Variants in ARHGAP15 observed in about 807,000 individuals in gnomAD.
ARHGAP15 encodes the protein rho GTPase-activating protein 15.
Under a neutral mutation model 63.7 loss-of-function variants are expected in ARHGAP15, and 51 were observed. That is an observed-to-expected ratio of 0.80 (90% CI 0.64 to 1.01). The LOEUF (loss-of-function observed/expected upper bound fraction) is 1.01, where lower values mean the gene tolerates loss of function less well. ARHGAP15 is among the 50% of genes least tolerant of loss of function. The pLI is 0.00. For missense variants in ARHGAP15, 560 were observed against 564.6 expected, an observed-to-expected ratio of 0.99 and a Z score of 0.08; for synonymous variants, 191 against 193.8, an observed-to-expected ratio of 0.99 and a Z score of 0.12.
chr2:143,237,708 A>T (rs748876120), intron 5 of ARHGAP15: 3 of 152,172 alleles, frequency 2.0e-5, no homozygotes, highest in Non-Finnish European at 2.9e-5. Flanking sequence ...TTTCTATTAT[A>T]TTCATCACAC....
At chr2:143,608,988 C>G (rs1698153419) in intron 11 of ARHGAP15, among the ~76,000 whole-genome samples, 1 of 152,096 alleles carries the variant, frequency 6.6e-6, no homozygotes, top group African/African-American at 2.4e-5. Flanking sequence ...TTGTGGGCTG[C>G]CTTGCAAGTT....
At chr2:143,458,022 G>A (rs796515953) in intron 8 of ARHGAP15, among the ~76,000 whole-genome samples, 31 of 152,010 alleles carry the variant, frequency 2.0e-4, no homozygotes, top group African/African-American at 7.5e-4. Context: ...AAATATTATT[G>A]CACTAAAAGT....
chr2:143,209,300 G>A (rs543472070), intron 3 of ARHGAP15, among the ~76,000 whole-genome samples: 1 of 152,098 alleles, frequency 6.6e-6, no homozygotes, highest in East Asian at 1.9e-4. Flanking sequence ...ACAATAATAA[G>A]TTATATAATT....
chr2:143,631,158 G>T (rs140957600), intron 12 of ARHGAP15, among the ~76,000 whole-genome samples: 297 of 151,976 alleles, frequency 2.0e-3, no homozygotes, highest in Non-Finnish European at 3.2e-3. Context: ...TGTTATATTA[G>T]TTCATTTTTC....
chr2:143,698,397 A>G (rs1683942416), intron 12 of ARHGAP15, among the ~76,000 whole-genome samples: 2 of 152,320 alleles, frequency 1.3e-5, no homozygotes, highest in Admixed American at 6.5e-5. Context: ...ATCATAAACC[A>G]TATTTTGAAA....
chr2:143,304,451 T>C (rs968674363), intron 6 of ARHGAP15, among the ~76,000 whole-genome samples: 2 of 151,632 alleles, frequency 1.3e-5, no homozygotes, highest in Non-Finnish European at 2.9e-5. Context: ...CCAGGGCCTG[T>C]TGTGGGGTGG....
At chr2:143,551,565 G>GT (rs1160744466) in intron 10 of ARHGAP15, among the ~76,000 whole-genome samples, 4 of 151,418 alleles carry the variant, frequency 2.6e-5, no homozygotes, top group African/African-American at 9.7e-5. Context: ...ATTTTTTATT[G>GT]TTTTTTTAAC....
At chr2:143,476,439 T>C (rs1691819624) in intron 8 of ARHGAP15, among the ~76,000 whole-genome samples, 1 of 152,208 alleles carries the variant, frequency 6.6e-6, no homozygotes, top group Non-Finnish European at 1.5e-5. Flanking sequence ...ATATGTAGCA[T>C]ATGCCCAAAG....
Position 143,519,384 on chromosome 2 carries a change from G to GT in ARHGAP15, c.925+20_925+21insT, listed in dbSNP as rs763492045. 4 of 1,591,456 alleles carry GT rather than the reference G, an allele frequency of 2.5e-6. No individual in the cohort carries two copies. In the South Asian group the frequency reaches 3.3e-5, roughly 13 times the overall value. ...AAAGAGGTGGGTGACTGAATGTGCA[G>GT]CAGTTCCCCCCATTACTGCACCCTC... On this transcript the variant is annotated intron_variant, in intron 10 of 13. Transcript: ENST00000295095.
At chr2:143,228,910 T>C (rs1294454244) in intron 5 of ARHGAP15, among the ~76,000 whole-genome samples, 2 of 152,180 alleles carry the variant, frequency 1.3e-5, no homozygotes, top group Non-Finnish European at 2.9e-5. Context: ...AGCTATGTAG[T>C]AATGCGAAGG....
intron 12 of ARHGAP15, among the ~76,000 whole-genome samples, chr2:143,645,835 A>T (rs1000445061): frequency 6.6e-6 from 1 of 152,102 alleles, no homozygotes; most frequent in Non-Finnish European, 1.5e-5. Context: ...AATATTTTTT[A>T]AATATTTTCA....
chr2:143,520,318 A>C (rs903791447), intron 10 of ARHGAP15, among the ~76,000 whole-genome samples: 11 of 152,218 alleles, frequency 7.2e-5, no homozygotes, highest in Admixed American at 7.2e-4. Flanking sequence ...GCTTTATTAT[A>C]AAAGCATAAT....
chr2:143,625,489 CTGT>C (rs1159530311), intron 12 of ARHGAP15, among the ~76,000 whole-genome samples: 1 of 151,952 alleles, frequency 6.6e-6, no homozygotes, highest in East Asian at 1.9e-4. Context: ...GCTGCTGCTG[CTGT>C]TGTTGAATGC....
intron 6 of ARHGAP15, among the ~76,000 whole-genome samples, chr2:143,387,429 T>C (rs1574373934): frequency 6.6e-6 from 1 of 152,150 alleles, no homozygotes; most frequent in Non-Finnish European, 1.5e-5. Context: ...TTTAAAAAAA[T>C]AAAGATTAGC....
intron 6 of ARHGAP15, among the ~76,000 whole-genome samples, chr2:143,310,424 C>G (rs1214787070): frequency 6.6e-6 from 1 of 151,932 alleles, no homozygotes; most frequent in Non-Finnish European, 1.5e-5. Context: ...AGCACTGTTT[C>G]AATTGAAAGG....
chr2:143,288,508 C>T (rs1194100423), intron 6 of ARHGAP15, among the ~76,000 whole-genome samples: 2 of 151,952 alleles, frequency 1.3e-5, no homozygotes, highest in African/African-American at 4.8e-5. Context: ...TCTGAATAAC[C>T]TAAGGGCTAT....
At chr2:143,139,977 A>G (rs1258308527) in intron 1 of ARHGAP15, among the ~76,000 whole-genome samples, 1 of 152,170 alleles carries the variant, frequency 6.6e-6, no homozygotes, top group Non-Finnish European at 1.5e-5. Context: ...TGATGTATGT[A>G]AAGATGTTTA....
intron 6 of ARHGAP15, among the ~76,000 whole-genome samples, chr2:143,346,392 C>T (rs533568178): frequency 8.5e-5 from 13 of 152,110 alleles, no homozygotes; most frequent in African/African-American, 2.4e-4. Context: ...CCATGAGTCA[C>T]GGTGTTTCCC....
chr2:143,283,597 C>A (rs1342585538), intron 6 of ARHGAP15, among the ~76,000 whole-genome samples: 1 of 152,192 alleles, frequency 6.6e-6, no homozygotes, highest in Non-Finnish European at 1.5e-5. Context: ...ATGGGCTTTG[C>A]ACTGCTGTCA....
Sources: gnomAD v4.1 joint callset for allele counts (sites outside exome capture counted in the v4.1 genomes callset) on GRCh38, gnomAD v4.1.1 for gene constraint, MANE v1.5 for transcripts, NCBI Gene and HGNC (gene_info 2026-07-23, HGNC 2026-07-21) for gene names.